MAGI3: variants seen among roughly 807,000 people sequenced by gnomAD.
MAGI3 encodes membrane associated guanylate kinase, WW and PDZ domain containing 3, also known as membrane-associated guanylate kinase, WW and PDZ domain-containing protein 3.
In MAGI3, 43 loss-of-function variants were observed where a neutral mutation model predicts 121.8. The observed-to-expected ratio is 0.35, with a 90% CI of 0.28 to 0.46. MAGI3 has a LOEUF of 0.46. MAGI3 is among the 20% of genes least tolerant of loss of function. MAGI3 has a pLI of 1.00. For missense variants in MAGI3, 1,547 were observed against 1,797.3 expected, an observed-to-expected ratio of 0.86 and a Z score of 2.52; for synonymous variants, 553 against 639.3, an observed-to-expected ratio of 0.86 and a Z score of 2.04.
intron 2 of MAGI3, among the ~76,000 whole-genome samples, chr1:113,553,876 G>T (rs1231420696): frequency 4.6e-5 from 7 of 152,200 alleles, no homozygotes; most frequent in Non-Finnish European, 1.0e-4. Context: ...GGGCGTGGTG[G>T]CGGGTGCCTG....
chr1:113,449,604 G>T, intron 1 of MAGI3: 1 of 644,844 alleles, frequency 1.6e-6, no homozygotes, highest in Non-Finnish European at 2.8e-6. Flanking sequence ...TTTCCCAATA[G>T]ATTGAGTTTA....
intron 16 of MAGI3, among the ~76,000 whole-genome samples, chr1:113,670,355 T>C (rs548530383): frequency 6.6e-6 from 1 of 152,350 alleles, no homozygotes; most frequent in South Asian, 2.1e-4. Context: ...CACAGCACTT[T>C]GGAAAGTAAC....
At chr1:113,427,916 C>CT (rs982256887) in intron 1 of MAGI3, among the ~76,000 whole-genome samples, 31 of 151,860 alleles carry the variant, frequency 2.0e-4, no homozygotes, top group Admixed American at 1.8e-3. Flanking sequence ...AATGGGTAAA[C>CT]TTTAGTTACT....
chr1:113,463,933 C>T (rs1655152696), intron 1 of MAGI3, among the ~76,000 whole-genome samples: 2 of 152,006 alleles, frequency 1.3e-5, no homozygotes, highest in African/African-American at 4.8e-5. Context: ...ATTCCTATAA[C>T]TTACAGAGAT....
chr1:113,558,458 A>T (rs1660088247), intron 2 of MAGI3, among the ~76,000 whole-genome samples: 1 of 152,194 alleles, frequency 6.6e-6, no homozygotes, highest in East Asian at 1.9e-4. Context: ...AAAAGAACCT[A>T]AGAGCTGGAA....
chr1:113,450,480 A>G lies in MAGI3; in HGVS notation c.316+59131A>G. The G allele has an allele frequency of 3.7e-6, 4 of 1,082,146 alleles. No individual in the cohort carries two copies. The South Asian group carries it at 5.0e-5, about 13-fold the overall frequency. 67.0% of individuals were successfully genotyped at this position (1,082,146 alleles called of 1,614,324 possible). On this transcript the variant is annotated intron_variant, in intron 1 of 20. Transcript: ENST00000307546. Reference sequence around the variant, plus strand: ...GGCTATGGTGGTGGTGGACCAGGATATGGAAACCAAGGTGGTGGATATGGT... The same window carrying G: ...GGCTATGGTGGTGGTGGACCAGGATGTGGAAACCAAGGTGGTGGATATGGT...
chr1:113,531,460 C>A (rs1218879300), intron 1 of MAGI3, among the ~76,000 whole-genome samples: 1 of 152,116 alleles, frequency 6.6e-6, no homozygotes, highest in Non-Finnish European at 1.5e-5. Flanking sequence ...TGGTATGCCA[C>A]TGTATCCACT....
chr1:113,623,205 T>C (rs1650950061), intron 9 of MAGI3, among the ~76,000 whole-genome samples: 1 of 151,992 alleles, frequency 6.6e-6, no homozygotes, highest in African/African-American at 2.4e-5. Context: ...TGAGATATTA[T>C]ACTATGATAC....
intron 1 of MAGI3, among the ~76,000 whole-genome samples, chr1:113,406,340 C>T (rs1382178895): frequency 6.9e-6 from 1 of 145,828 alleles, no homozygotes; most frequent in Non-Finnish European, 1.5e-5. Flanking sequence ...TCCAGCTACT[C>T]AGGAGGCTAA....
At chr1:113,458,440 C>T (rs913695275) in intron 1 of MAGI3, among the ~76,000 whole-genome samples, 2 of 152,078 alleles carry the variant, frequency 1.3e-5, no homozygotes, top group African/African-American at 4.8e-5. Context: ...CTCAGTATCC[C>T]CCGGAAGTCA....
chr1:113,609,831 T>A lies in MAGI3; in HGVS notation c.1019-4770T>A, dbSNP rs188006969. Reference sequence around the variant, plus strand: ...GAAATAGCTTTTTAGGGGAATACTTTGGCTTCATACACAGGAAAAGATGGT... The same window carrying A: ...GAAATAGCTTTTTAGGGGAATACTTAGGCTTCATACACAGGAAAAGATGGT... On this transcript the variant is annotated intron_variant, in intron 6 of 20. Transcript: ENST00000307546. 2.3e-3 allele frequency among the ~76,000 whole-genome samples: 351 copies of A among 152,344 alleles called. 2 individuals carry two copies. Among genetic ancestry groups the A allele is most frequent in the Middle Eastern group, 3.4e-3 (1 of 294 alleles).
chr1:113,576,716 G>T (rs1647671928), intron 2 of MAGI3: 1 of 152,142 alleles, frequency 6.6e-6, no homozygotes, highest in Non-Finnish European at 1.5e-5. Context: ...GCTTCTAAAT[G>T]TATTAAAAAG....
At chr1:113,623,495 TA>T (rs139454522) in intron 9 of MAGI3, among the ~76,000 whole-genome samples, 131,023 of 142,570 alleles carry the variant, frequency 0.92, 60,289 homozygotes, top group South Asian at 0.97. Flanking sequence ...CACATATATA[TA>T]TTTTTTTTTG....
chr1:113,434,647 C>A (rs535371194), intron 1 of MAGI3, among the ~76,000 whole-genome samples: 129 of 152,232 alleles, frequency 8.5e-4, no homozygotes, highest in African/African-American at 3.0e-3. Context: ...TGTATTATAA[C>A]ACTGGTTAAT....
intron 9 of MAGI3, among the ~76,000 whole-genome samples, chr1:113,630,479 A>G (rs750342502): frequency 2.6e-5 from 4 of 151,956 alleles, no homozygotes; most frequent in Non-Finnish European, 4.4e-5. Flanking sequence ...CCTAAGCTGC[A>G]CGACACAGTC....
In MAGI3 at chr1:113,590,673, C is replaced by G. The variant is rs768752451; in HGVS notation, c.938+15C>G. ...TACTTCATTGAGTAAGCAAATGTCT[C>G]TATCTCTTCTAATGTGCCCTAACAT... On this transcript the variant is annotated intron_variant, in intron 5 of 20. Transcript: ENST00000307546. 1.2e-6 allele frequency: 2 copies of G among 1,609,760 alleles called. No individual in the cohort carries two copies. Among genetic ancestry groups the G allele is most frequent in the African/African-American group, 2.7e-5 (2 of 74,608 alleles).
At chr1:113,681,113 G>T in intron 19 of MAGI3, 85 bp from the exon 20 acceptor site, 1 of 1,505,120 alleles carries the variant, frequency 6.6e-7, no homozygotes, top group Non-Finnish European at 9.0e-7. Flanking sequence ...CACTTAGCAA[G>T]GTTGAATGGC....
At chr1:113,648,984 A>G (rs12410964) in intron 12 of MAGI3, among the ~76,000 whole-genome samples, 1 of 152,296 alleles carries the variant, frequency 6.6e-6, no homozygotes, top group East Asian at 1.9e-4. Flanking sequence ...ATGGCAGTGT[A>G]ATACTGAGTA....
At chr1:113,465,880 G>A (rs962454726) in intron 1 of MAGI3, among the ~76,000 whole-genome samples, 10 of 152,062 alleles carry the variant, frequency 6.6e-5, no homozygotes, top group African/African-American at 2.4e-4. Context: ...TTGTTTATCT[G>A]TTCTAATAGT....
Sources: gnomAD v4.1 joint callset for allele counts (sites outside exome capture counted in the v4.1 genomes callset) on GRCh38, gnomAD v4.1.1 for gene constraint, MANE v1.5 for transcripts, NCBI Gene and HGNC (gene_info 2026-07-23, HGNC 2026-07-21) for gene names.